The following MAD1L1 variants were observed in gnomAD, a reference collection of about 807,000 sequenced individuals.
MAD1L1 encodes the protein mitotic arrest deficient 1 like 1.
A neutral mutation model predicts 96.9 loss-of-function variants in MAD1L1; 95 were observed. The ratio of observed to expected loss-of-function variants is 0.98; its 90% confidence interval spans 0.83 to 1.16. The LOEUF is 1.16. Among genes scored for constraint, MAD1L1 ranks in the 50% most tolerant of loss-of-function variants. The probability of loss-of-function intolerance (pLI) is 0.00; values close to 1 mark genes in which losing one functional copy is unlikely to be tolerated. For synonymous variants in MAD1L1, 473 were observed against 396.6 expected, an observed-to-expected ratio of 1.19 and a Z score of -2.29; for missense variants, 1,007 against 954.4, an observed-to-expected ratio of 1.06 and a Z score of -0.73.
At chr7:1,909,173 G>C (rs1787858666) in intron 17 of MAD1L1, among the ~76,000 whole-genome samples, 2 of 152,178 alleles carry the variant, frequency 1.3e-5, no homozygotes, top group African/African-American at 4.8e-5. Context: ...ATCAGGCCGA[G>C]GTCTGACCTC....
intron 14 of MAD1L1, among the ~76,000 whole-genome samples, chr7:1,998,743 C>T (rs1781665423): frequency 6.6e-6 from 1 of 151,716 alleles, no homozygotes; most frequent in African/African-American, 2.4e-5. Flanking sequence ...TGCCAACCCC[C>T]CGCCAAGCCC....
At chr7:2,097,831 A>G (rs1786571797) in intron 11 of MAD1L1, among the ~76,000 whole-genome samples, 1 of 152,250 alleles carries the variant, frequency 6.6e-6, no homozygotes, top group African/African-American at 2.4e-5. Context: ...CAGCGCCTGC[A>G]TCGAGACTCA....
chr7:2,020,112 AG>A (rs917903821), intron 12 of MAD1L1, among the ~76,000 whole-genome samples: 7 of 152,192 alleles, frequency 4.6e-5, no homozygotes, highest in Admixed American at 1.3e-4. Context: ...CAGACCACGG[AG>A]GGGCAGAGCC....
rs202031762 is a variant in MAD1L1 at position 1,980,446 on chromosome 7, G to C, written c.1505+7C>G. ...GGGCGTGTCCGCCTCCTCTCTGGGG[G>C]ACGTACCTGAGCGTGTCCGCCTCCT... On this transcript the variant is annotated splice_region_variant and intron_variant, in intron 15 of 18. Transcript: ENST00000265854. 5.7e-5 allele frequency: 92 copies of C among 1,608,838 alleles called. No individual in the cohort carries two copies. The highest frequency in any genetic ancestry group is 7.6e-5 in the Non-Finnish European group (89 of 1,177,648).
intron 18 of MAD1L1, among the ~76,000 whole-genome samples, chr7:1,839,897 C>G (rs960054107): frequency 2.3e-4 from 35 of 152,316 alleles, no homozygotes; most frequent in African/African-American, 8.4e-4. Flanking sequence ...CCGCCTCCCC[C>G]CATAACCACC....
chr7:2,222,296 T>C (rs531236376), intron 5 of MAD1L1, among the ~76,000 whole-genome samples: 1 of 152,218 alleles, frequency 6.6e-6, no homozygotes, highest in East Asian at 1.9e-4. Context: ...GTCAGGCTGG[T>C]CTCCAACTCC....
rs546025800 is a variant in MAD1L1 at position 2,096,480 on chromosome 7, C to CT, written c.1074-27143dup. ...CCTCCTACGCTGCTTTTCCACAGAG[C>CT]TTTGAATTTGTTAGCTGCCTTCATG... On this transcript the variant is annotated intron_variant, in intron 11 of 18. Transcript: ENST00000265854. Among the ~76,000 whole-genome samples, 280 of 152,112 alleles carry CT rather than the reference C, an allele frequency of 1.8e-3. 1 individual carries two copies. The highest frequency in any genetic ancestry group is 2.7e-3 in the Non-Finnish European group (181 of 68,000).
At chr7:1,978,350 G>C (rs1172878673) in intron 15 of MAD1L1, among the ~76,000 whole-genome samples, 1 of 152,168 alleles carries the variant, frequency 6.6e-6, no homozygotes, top group East Asian at 1.9e-4. Context: ...TGCAAGTCAG[G>C]GTGTGTGTGG....
intron 18 of MAD1L1, among the ~76,000 whole-genome samples, chr7:1,871,745 C>T (rs111357851): frequency 9.3e-5 from 14 of 149,834 alleles, no homozygotes; most frequent in African/African-American, 2.5e-4. Context: ...ACCCAACATA[C>T]GCCTGCCACG....
intron 11 of MAD1L1, among the ~76,000 whole-genome samples, chr7:2,128,249 A>G (rs986879088): frequency 6.6e-6 from 1 of 152,058 alleles, no homozygotes; most frequent in Non-Finnish European, 1.5e-5. Context: ...TCTGTCACTG[A>G]ATCGCATTTG....
intron 10 of MAD1L1, among the ~76,000 whole-genome samples, chr7:2,200,070 G>A (rs1000120239): frequency 2.6e-5 from 4 of 152,212 alleles, no homozygotes; most frequent in African/African-American, 7.2e-5. Flanking sequence ...CTCTTCCCAC[G>A]CCTGCCCTCC....
intron 18 of MAD1L1, among the ~76,000 whole-genome samples, chr7:1,831,988 C>T (rs1434608692): frequency 1.3e-5 from 2 of 152,158 alleles, no homozygotes; most frequent in African/African-American, 4.8e-5. Context: ...TCCTGTGGCC[C>T]CTAGATCAAG....
chr7:2,151,146 G>A (rs1054117276), intron 10 of MAD1L1, among the ~76,000 whole-genome samples: 1 of 152,206 alleles, frequency 6.6e-6, no homozygotes, highest in African/African-American at 2.4e-5. Context: ...TCCAAGCCAA[G>A]AGATATTTTT....
At chr7:2,054,168 G>C (rs1584201520) in intron 12 of MAD1L1, among the ~76,000 whole-genome samples, 1 of 152,210 alleles carries the variant, frequency 6.6e-6, no homozygotes, top group Non-Finnish European at 1.5e-5. Flanking sequence ...GCCTCACCTG[G>C]AACTGTCCAG....
chr7:1,838,941 G>C (rs1356118428), intron 18 of MAD1L1: 3 of 412,094 alleles, frequency 7.3e-6, no homozygotes, highest in Non-Finnish European at 1.5e-5. Context: ...AGTGTGCAAA[G>C]ACACGCCGGG....
chr7:1,882,929 AG>A (rs2128665097), intron 18 of MAD1L1, among the ~76,000 whole-genome samples: 1 of 142,860 alleles, frequency 7.0e-6, no homozygotes, highest in African/African-American at 2.8e-5. Flanking sequence ...CCCAGGAACC[AG>A]CTCTTTAACA....
At chr7:2,183,018 T>A (rs140520143) in intron 10 of MAD1L1, among the ~76,000 whole-genome samples, 1 of 151,960 alleles carries the variant, frequency 6.6e-6, no homozygotes, top group African/African-American at 2.4e-5. Flanking sequence ...AGGTCACAAG[T>A]TCAAGTCCAG....
Position 1,957,620 on chromosome 7 carries a change from C to T in MAD1L1, c.1596+9G>A, listed in dbSNP as rs373695640. On this transcript the variant is annotated intron_variant, in intron 16 of 18. Transcript: ENST00000265854. ...GCAGTGCCTCACCCAGAGGCTGCCC[C>T]GCCCTCACCTGCAGAGCTCGCCGCT... 69 of 1,613,608 alleles carry T rather than the reference C, an allele frequency of 4.3e-5. No individual in the cohort carries two copies. In the African/African-American group the frequency reaches 6.7e-4, roughly 16 times the overall value.
chr7:2,053,385 T>G (rs971717955), intron 12 of MAD1L1, among the ~76,000 whole-genome samples: 1 of 152,002 alleles, frequency 6.6e-6, no homozygotes, highest in Non-Finnish European at 1.5e-5. Flanking sequence ...CTCCTGTAGG[T>G]GAAGGAGTCC....
Sources: gnomAD v4.1 joint callset for allele counts (sites outside exome capture counted in the v4.1 genomes callset) on GRCh38, gnomAD v4.1.1 for gene constraint, MANE v1.5 for transcripts, NCBI Gene and HGNC (gene_info 2026-07-23, HGNC 2026-07-21) for gene names.